UNC5D: variants seen among roughly 807,000 people sequenced by gnomAD.
The protein encoded by UNC5D is unc-5 netrin receptor D, also known as netrin receptor UNC5D.
UNC5D carries 39 observed loss-of-function variants against 105.4 expected under a neutral mutation model. That is an observed-to-expected ratio of 0.37 (90% CI 0.29 to 0.48). The LOEUF is 0.48. Ranked by LOEUF, UNC5D falls within the 20% of genes least tolerant of loss-of-function variation. The pLI is 0.98. For synonymous variants in UNC5D, 452 were observed against 450.4 expected (o/e 1.00, Z -0.04); for missense variants, 991 against 1,202.4 (o/e 0.82, Z 2.60).
chr8:35,786,415 C>T (rs1462035812), intron 16 of UNC5D, among the ~76,000 whole-genome samples: 1 of 152,114 alleles, frequency 6.6e-6, no homozygotes, highest in Non-Finnish European at 1.5e-5. Context: ...GGTGCCTATT[C>T]CACAAATCAG....
At chr8:35,713,190 A>T (rs1828061353) in intron 8 of UNC5D, among the ~76,000 whole-genome samples, 1 of 152,218 alleles carries the variant, frequency 6.6e-6, no homozygotes, top group Non-Finnish European at 1.5e-5. Flanking sequence ...TACCTCAGAC[A>T]TAAGCACAGA....
At chr8:35,285,087 C>CT in intron 1 of UNC5D, among the ~76,000 whole-genome samples, 1 of 152,212 alleles carries the variant, frequency 6.6e-6, no homozygotes, top group East Asian at 1.9e-4. Context: ...GTTTTGGTGA[C>CT]TTTTTGAGTT....
At chr8:35,249,598 T>TAAC (rs1305680475) in intron 1 of UNC5D, among the ~76,000 whole-genome samples, 1 of 136,616 alleles carries the variant, frequency 7.3e-6, no homozygotes, top group Non-Finnish European at 1.6e-5. Flanking sequence ...ATAATAATAA[T>TAAC]AATAAAATAA....
At chr8:35,676,961 C>T (rs541529913) in intron 4 of UNC5D, among the ~76,000 whole-genome samples, 1 of 151,254 alleles carries the variant, frequency 6.6e-6, no homozygotes, top group Non-Finnish European at 1.5e-5. Flanking sequence ...ATATAAGAAT[C>T]AAAAAATATT....
chr8:35,614,450 A>G (rs1820885195), intron 4 of UNC5D, among the ~76,000 whole-genome samples: 1 of 152,216 alleles, frequency 6.6e-6, no homozygotes, highest in African/African-American at 2.4e-5. Flanking sequence ...GCCAAAGCAG[A>G]AAGAATGTCT....
rs1802988987 is a variant in UNC5D at position 35,790,488 on chromosome 8, C to T, written c.2787C>T (p.His929=). ...CCCTTGAAGAGATTGGGAGGACACACACGAAACTCTCAAACATTTCAGAAT... is the reference window on the plus strand; with the variant it reads ...CCCTTGAAGAGATTGGGAGGACACATACGAAACTCTCAAACATTTCAGAAT... The part of the protein sequence containing the change: ...ACALEEIGRT[H]TKLSNISESQ... Residue 929 remains histidine, a synonymous_variant, in exon 17 of 17, where the codon CAC becomes CAT. Transcript: ENST00000404895. 11 of 1,613,904 alleles carry T rather than the reference C, an allele frequency of 6.8e-6. No homozygotes were observed. In the East Asian group the frequency reaches 1.6e-4, roughly 23 times the overall value.
intron 7 of UNC5D, among the ~76,000 whole-genome samples, chr8:35,700,087 A>C (rs965232184): frequency 1.3e-5 from 2 of 152,176 alleles, no homozygotes; most frequent in African/African-American, 4.8e-5. Context: ...AGCAGACTTC[A>C]TGTTTGTCTA....
chr8:35,707,905 A>G (rs1000220675), intron 8 of UNC5D, among the ~76,000 whole-genome samples: 21 of 152,284 alleles, frequency 1.4e-4, no homozygotes, highest in Admixed American at 1.4e-3. Flanking sequence ...TTAATTTGTG[A>G]TTTCTCTAAA....
chr8:35,348,420 T>G (rs914243831), intron 1 of UNC5D, among the ~76,000 whole-genome samples: 2 of 151,852 alleles, frequency 1.3e-5, no homozygotes, highest in African/African-American at 4.8e-5. Flanking sequence ...ACAGGATAGG[T>G]GGATATTCTG....
intron 1 of UNC5D, among the ~76,000 whole-genome samples, chr8:35,452,869 G>A (rs1808252625): frequency 6.6e-6 from 1 of 152,258 alleles, no homozygotes; most frequent in South Asian, 2.1e-4. Flanking sequence ...TTCAGATAGA[G>A]GCATTAGTAT....
At chr8:35,731,232 C>T in intron 11 of UNC5D, 136 bp downstream of exon 11, 1 of 731,050 alleles carries the variant, frequency 1.4e-6, no homozygotes, top group Non-Finnish European at 2.2e-6. Context: ...AAGCCTGTCT[C>T]TACTAAAAAT....
chr8:35,501,716 C>G (rs959201800), intron 1 of UNC5D, among the ~76,000 whole-genome samples: 5 of 152,178 alleles, frequency 3.3e-5, no homozygotes, highest in Non-Finnish European at 5.9e-5. Context: ...TCAGTTACCC[C>G]ACTCTTACCA....
chr8:35,429,533 A>G (rs1410674622), intron 1 of UNC5D, among the ~76,000 whole-genome samples: 1 of 152,172 alleles, frequency 6.6e-6, no homozygotes, highest in Non-Finnish European at 1.5e-5. Flanking sequence ...TTATTATATC[A>G]TCATTAATTT....
At chr8:35,375,819 T>C (rs1003186772) in intron 1 of UNC5D, among the ~76,000 whole-genome samples, 3 of 152,210 alleles carry the variant, frequency 2.0e-5, no homozygotes, top group African/African-American at 4.8e-5. Context: ...AATTATATTT[T>C]TAATCCCTTT....
chr8:35,270,174 T>C (rs989801088), intron 1 of UNC5D, among the ~76,000 whole-genome samples: 3 of 152,182 alleles, frequency 2.0e-5, no homozygotes, highest in South Asian at 2.1e-4. Flanking sequence ...TAAGAAATTC[T>C]CCCAATTTTC....
chr8:35,752,356 A>G (rs1291191233), intron 13 of UNC5D, among the ~76,000 whole-genome samples: 1 of 152,170 alleles, frequency 6.6e-6, no homozygotes, highest in Non-Finnish European at 1.5e-5. Flanking sequence ...CTCAGTAACT[A>G]GATTTTAAGA....
chr8:35,385,896 C>T (rs749820196), intron 1 of UNC5D, among the ~76,000 whole-genome samples: 14 of 152,180 alleles, frequency 9.2e-5, no homozygotes, highest in Non-Finnish European at 1.9e-4. Flanking sequence ...TAATTTCTGA[C>T]ATCTTAAACC....
chr8:35,335,101 G>C (rs2128896478), intron 1 of UNC5D, among the ~76,000 whole-genome samples: 1 of 152,090 alleles, frequency 6.6e-6, no homozygotes, highest in South Asian at 2.1e-4. Context: ...CTTCTATGCT[G>C]TGTGTGTATC....
chr8:35,308,324 T>C (rs1808598499), intron 1 of UNC5D, among the ~76,000 whole-genome samples: 1 of 151,960 alleles, frequency 6.6e-6, no homozygotes, highest in African/African-American at 2.4e-5. Flanking sequence ...TCATCTGGGA[T>C]TCCATTTTGT....
Sources: gnomAD v4.1 joint callset for allele counts (sites outside exome capture counted in the v4.1 genomes callset) on GRCh38, gnomAD v4.1.1 for gene constraint, MANE v1.5 for transcripts, NCBI Gene and HGNC (gene_info 2026-07-23, HGNC 2026-07-21) for gene names.